The following KCND2 variants were observed in gnomAD, a reference collection of about 807,000 sequenced individuals.
KCND2 encodes the protein A-type voltage-gated potassium channel KCND2.
In KCND2, 16 loss-of-function variants were observed where a neutral mutation model predicts 54.4. That is an observed-to-expected ratio of 0.29 (90% CI 0.20 to 0.45). The LOEUF (loss-of-function observed/expected upper bound fraction) is 0.45. KCND2 is among the 20% of genes least tolerant of loss of function. The pLI is 1.00. For synonymous variants in KCND2, 317 were observed against 310.7 expected, an observed-to-expected ratio of 1.02 and a Z score of -0.21; for missense variants, 486 against 824.2, an observed-to-expected ratio of 0.59 and a Z score of 5.02.
intron 1 of KCND2, among the ~76,000 whole-genome samples, chr7:120,594,758 A>G (rs1034923447): frequency 6.6e-6 from 1 of 152,188 alleles, no homozygotes; most frequent in African/African-American, 2.4e-5. Flanking sequence ...ACTGTGGCTC[A>G]CGTCTGTAAT....
chr7:120,643,069 GA>G (rs1458310719), intron 1 of KCND2, among the ~76,000 whole-genome samples: 1 of 152,090 alleles, frequency 6.6e-6, no homozygotes, highest in African/African-American at 2.4e-5. Flanking sequence ...ACACAAGTGT[GA>G]AAAAAAGTTT....
chr7:120,678,808 A>G (rs551524701), intron 1 of KCND2, among the ~76,000 whole-genome samples: 33 of 146,986 alleles, frequency 2.2e-4, no homozygotes, highest in African/African-American at 7.6e-4. Context: ...TCTATCAATG[A>G]GGGCTTATTG....
intron 1 of KCND2, among the ~76,000 whole-genome samples, chr7:120,429,357 C>T (rs764417649): frequency 6.6e-6 from 1 of 152,012 alleles, no homozygotes; most frequent in African/African-American, 2.4e-5. Flanking sequence ...TTAACAATGC[C>T]CTTGATAAAG....
At chr7:120,634,415 C>A (rs776381421) in intron 1 of KCND2, among the ~76,000 whole-genome samples, 20 of 152,008 alleles carry the variant, frequency 1.3e-4, no homozygotes, top group Non-Finnish European at 2.6e-4. Context: ...ATATTTTATG[C>A]TAAATACAAC....
chr7:120,407,766 TA>T (rs1191023357), intron 1 of KCND2, among the ~76,000 whole-genome samples: 4 of 151,330 alleles, frequency 2.6e-5, no homozygotes, highest in Non-Finnish European at 4.4e-5. Flanking sequence ...AATCATATTA[TA>T]AAAACATTAA....
intron 1 of KCND2, among the ~76,000 whole-genome samples, chr7:120,390,951 G>A (rs1485134201): frequency 6.6e-6 from 1 of 151,940 alleles, no homozygotes; most frequent in Non-Finnish European, 1.5e-5. Flanking sequence ...GCTGAATGGG[G>A]CAGGTTAGTT....
At chr7:120,281,427 GA>G (rs10708123) in intron 1 of KCND2, among the ~76,000 whole-genome samples, 33,002 of 144,854 alleles carry the variant, frequency 0.23, 4,941 homozygotes, top group African/African-American at 0.44. Flanking sequence ...GTCTGATATT[GA>G]AAAAAAAAAA....
At chr7:120,735,178 A>G (rs981449236) in intron 2 of KCND2, among the ~76,000 whole-genome samples, 6 of 152,048 alleles carry the variant, frequency 3.9e-5, no homozygotes, top group African/African-American at 1.4e-4. Context: ...CTGATCATCT[A>G]ACGAATAGGG....
intron 1 of KCND2, among the ~76,000 whole-genome samples, chr7:120,418,259 C>T (rs1801552748): frequency 6.6e-6 from 1 of 152,114 alleles, no homozygotes; most frequent in Non-Finnish European, 1.5e-5. Context: ...AAGGTTATAT[C>T]CTCATTGTGA....
At chr7:120,299,732 A>G (rs1799560419) in intron 1 of KCND2, among the ~76,000 whole-genome samples, 1 of 152,180 alleles carries the variant, frequency 6.6e-6, no homozygotes, top group African/African-American at 2.4e-5. Flanking sequence ...CAGAGTAGAA[A>G]GAAGAAAGGA....
intron 1 of KCND2, among the ~76,000 whole-genome samples, chr7:120,718,363 T>A (rs1447595670): frequency 6.6e-6 from 1 of 152,140 alleles, no homozygotes; most frequent in Non-Finnish European, 1.5e-5. Flanking sequence ...GCCCATCTCC[T>A]GCTTTTCTAC....
At chr7:120,641,945 A>T (rs1300293442) in intron 1 of KCND2, among the ~76,000 whole-genome samples, 1 of 152,016 alleles carries the variant, frequency 6.6e-6, no homozygotes, top group Non-Finnish European at 1.5e-5. Flanking sequence ...CTTTAACAAG[A>T]TTAGAGCTCT....
At position 120,647,773 on chromosome 7, in the gene KCND2, A is replaced by G. The variant is rs6947728; in HGVS notation, c.1116-85130A>G. Among the ~76,000 whole-genome samples the G allele has an allele frequency of 4.7e-3, 710 of 152,360 alleles. 5 individuals are homozygous for G. Among genetic ancestry groups the G allele is most frequent in the African/African-American group, 0.016 (683 of 41,594 alleles). ...TTAACATTCAACTCTGAATATAAGT[A>G]TGCAGGCATACTGTGTAGTATTATG... On this transcript the variant is annotated intron_variant, in intron 1 of 5. Coordinates refer to ENST00000331113, the MANE Select transcript of KCND2 (RefSeq NM_012281.3).
intron 1 of KCND2, among the ~76,000 whole-genome samples, chr7:120,341,622 A>C (rs1301476582): frequency 2.0e-5 from 3 of 152,164 alleles, no homozygotes; most frequent in Non-Finnish European, 2.9e-5. Context: ...ACTACTGGTA[A>C]TGGATATGTC....
At chr7:120,616,893 G>A (rs557624146) in intron 1 of KCND2, among the ~76,000 whole-genome samples, 6 of 152,210 alleles carry the variant, frequency 3.9e-5, no homozygotes, top group African/African-American at 1.4e-4. Context: ...TCTGCCCTCT[G>A]TGTTCTCAGT....
chr7:120,590,500 T>A (rs1257427375), intron 1 of KCND2, among the ~76,000 whole-genome samples: 1 of 152,206 alleles, frequency 6.6e-6, no homozygotes, highest in African/African-American at 2.4e-5. Context: ...ATTAGGGGAA[T>A]TCTGGATGTA....
At chr7:120,339,194 T>G (rs919829257) in intron 1 of KCND2, among the ~76,000 whole-genome samples, 1 of 152,018 alleles carries the variant, frequency 6.6e-6, no homozygotes, top group Non-Finnish European at 1.5e-5. Context: ...CCCGGCCCCT[T>G]GCTACTATCT....
intron 1 of KCND2, among the ~76,000 whole-genome samples, chr7:120,570,593 C>G (rs1414256061): frequency 1.3e-5 from 2 of 152,098 alleles, no homozygotes; most frequent in South Asian, 2.1e-4. Flanking sequence ...CTGTTTCTCT[C>G]TCAATGGCAA....
intron 1 of KCND2, among the ~76,000 whole-genome samples, chr7:120,617,740 A>G (rs1188566205): frequency 1.3e-5 from 2 of 152,222 alleles, no homozygotes; most frequent in Non-Finnish European, 1.5e-5. Flanking sequence ...ACATGGAATC[A>G]ACCCAGGTGC....
Sources: gnomAD v4.1 joint callset for allele counts (sites outside exome capture counted in the v4.1 genomes callset) on GRCh38, gnomAD v4.1.1 for gene constraint, MANE v1.5 for transcripts, NCBI Gene and HGNC (gene_info 2026-07-23, HGNC 2026-07-21) for gene names.